The following TAFA1 variants were observed in gnomAD, a reference collection of about 807,000 sequenced individuals.
TAFA1 encodes the protein chemokine-like protein TAFA-1.
A neutral mutation model predicts 18.5 loss-of-function variants in TAFA1; 4 were observed. The observed-to-expected ratio is 0.22, with a 90% CI of 0.11 to 0.49. The LOEUF (loss-of-function observed/expected upper bound fraction) is 0.49. Among genes scored for constraint, TAFA1 ranks in the 20% least tolerant of loss-of-function variants. The probability of loss-of-function intolerance (pLI) is 0.98; values close to 1 mark genes in which losing one functional copy is unlikely to be tolerated. For synonymous variants in TAFA1, 56 were observed against 55.2 expected, an observed-to-expected ratio of 1.01 and a Z score of -0.06; for missense variants, 147 against 169.0, an observed-to-expected ratio of 0.87 and a Z score of 0.72.
chr3:68,089,948 G>A (rs1320569406), intron 2 of TAFA1, among the ~76,000 whole-genome samples: 1 of 152,122 alleles, frequency 6.6e-6, no homozygotes, highest in Non-Finnish European at 1.5e-5. Context: ...GAAATTGGCT[G>A]GCTGACCTCC....
chr3:68,002,360 A>C (rs1459783773), upstream of TAFA1, among the ~76,000 whole-genome samples: 1 of 152,210 alleles, frequency 6.6e-6, no homozygotes, highest in Admixed American at 6.5e-5. Context: ...CTTGAATGTA[A>C]TCCATTAGGT....
chr3:68,486,461 A>G (rs2072342119), intron 3 of TAFA1, among the ~76,000 whole-genome samples: 1 of 152,272 alleles, frequency 6.6e-6, no homozygotes, highest in East Asian at 1.9e-4. Context: ...TGCCTCCAAC[A>G]TGAGAAAAGC....
chr3:68,041,608 T>C (rs947795731), intron 2 of TAFA1, among the ~76,000 whole-genome samples: 4 of 152,216 alleles, frequency 2.6e-5, no homozygotes, highest in Non-Finnish European at 5.9e-5. Flanking sequence ...AAACTCTTTA[T>C]TGAGTGTCTG....
intron 3 of TAFA1, among the ~76,000 whole-genome samples, chr3:68,502,185 C>T (rs531781408): frequency 1.1e-4 from 17 of 152,194 alleles, no homozygotes; most frequent in South Asian, 2.1e-4. Flanking sequence ...ATAATGGTTG[C>T]TTCATAGCAA....
At chr3:68,264,766 A>G (rs547242137) in intron 2 of TAFA1, among the ~76,000 whole-genome samples, 3 of 147,336 alleles carry the variant, frequency 2.0e-5, no homozygotes, top group African/African-American at 8.1e-5. Context: ...AATTATAAAG[A>G]CAGACCAAAC....
chr3:68,160,432 A>C (rs893903004), intron 2 of TAFA1, among the ~76,000 whole-genome samples: 3 of 152,156 alleles, frequency 2.0e-5, no homozygotes, highest in African/African-American at 7.2e-5. Flanking sequence ...TAGTGTGCCA[A>C]CTCTTATAGT....
At chr3:68,498,846 G>T (rs571043459) in intron 3 of TAFA1, among the ~76,000 whole-genome samples, 1 of 149,932 alleles carries the variant, frequency 6.7e-6, no homozygotes, top group Non-Finnish European at 1.5e-5. Flanking sequence ...GGCTGCCAGC[G>T]TGATTGACTA....
chr3:68,089,182 G>C lies in TAFA1; in HGVS notation c.118+82438G>C, dbSNP rs894208906. 2.6e-5 allele frequency among the ~76,000 whole-genome samples: 4 copies of C among 152,066 alleles called. No individual in the cohort carries two copies. In the East Asian group the frequency reaches 7.7e-4, roughly 29 times the overall value. On this transcript the variant is annotated intron_variant, in intron 2 of 4. Coordinates refer to ENST00000478136, the MANE Select transcript of TAFA1 (RefSeq NM_213609.4). ...GCCTGAAACTCAAGAGAAAGTTCAG[G>C]GCTAGCAATTTAAATTTGGGAGTTC...
chr3:68,091,479 C>T (rs1248135555), intron 2 of TAFA1, among the ~76,000 whole-genome samples: 1 of 152,116 alleles, frequency 6.6e-6, no homozygotes, highest in Non-Finnish European at 1.5e-5. Flanking sequence ...CAAGATTCCT[C>T]AGTCTGCCAG....
At chr3:68,496,566 C>T (rs1486962142) in intron 3 of TAFA1, among the ~76,000 whole-genome samples, 23 of 152,178 alleles carry the variant, frequency 1.5e-4, no homozygotes, top group Admixed American at 1.5e-3. Flanking sequence ...TTAGATGTGT[C>T]CATCCAGCCC....
intron 4 of TAFA1, among the ~76,000 whole-genome samples, chr3:68,544,264 CATT>C (rs1218491817): frequency 6.6e-6 from 1 of 152,060 alleles, no homozygotes; most frequent in Non-Finnish European, 1.5e-5. Flanking sequence ...GGAGTGACAT[CATT>C]AATTTATTGC....
At chr3:68,235,752 A>C (rs1198067792) in intron 2 of TAFA1, among the ~76,000 whole-genome samples, 3 of 152,168 alleles carry the variant, frequency 2.0e-5, no homozygotes, top group Non-Finnish European at 2.9e-5. Context: ...ATTGGTAAAA[A>C]GAAACTGTCT....
intron 3 of TAFA1, among the ~76,000 whole-genome samples, chr3:68,510,338 T>C (rs2072826529): frequency 6.6e-6 from 1 of 152,180 alleles, no homozygotes; most frequent in Admixed American, 6.6e-5. Flanking sequence ...GACAGGGCTT[T>C]GGCCATCATT....
At chr3:68,360,959 T>G (rs779782889) in intron 2 of TAFA1, among the ~76,000 whole-genome samples, 1 of 152,052 alleles carries the variant, frequency 6.6e-6, no homozygotes. Flanking sequence ...TTCGGTCTTC[T>G]GTTTTGACGA....
chr3:68,285,420 C>CAT (rs1283397784), intron 2 of TAFA1, among the ~76,000 whole-genome samples: 17 of 151,904 alleles, frequency 1.1e-4, no homozygotes, highest in Non-Finnish European at 2.2e-4. Context: ...ACTATATGTG[C>CAT]ATATATGCCT....
chr3:68,223,300 TGTC>T (rs2066755067), intron 2 of TAFA1, among the ~76,000 whole-genome samples: 2 of 152,334 alleles, frequency 1.3e-5, no homozygotes, highest in Admixed American at 6.5e-5. Context: ...AAGCTGGAGT[TGTC>T]GTTCAAAATC....
chr3:68,287,531 C>G (rs2068031106), intron 2 of TAFA1, among the ~76,000 whole-genome samples: 1 of 152,070 alleles, frequency 6.6e-6, no homozygotes, highest in Non-Finnish European at 1.5e-5. Flanking sequence ...CTCTCTGTCC[C>G]TTAAAGTCCA....
chr3:68,284,823 A>C (rs1329245896), intron 2 of TAFA1, among the ~76,000 whole-genome samples: 1 of 152,158 alleles, frequency 6.6e-6, no homozygotes, highest in Non-Finnish European at 1.5e-5. Flanking sequence ...CTGCAATCCT[A>C]GCTACTGGGG....
At position 68,496,882 on chromosome 3, in the gene TAFA1, C is replaced by T. The variant is rs942109348; in HGVS notation, c.260-41874C>T. ...TACTGCATATAAATAATATAACATACAGTAAGATTCTATCCCCACAACACC... is the reference window on the plus strand; with the variant it reads ...TACTGCATATAAATAATATAACATATAGTAAGATTCTATCCCCACAACACC... On this transcript the variant is annotated intron_variant, in intron 3 of 4. Coordinates refer to ENST00000478136, the MANE Select transcript of TAFA1 (RefSeq NM_213609.4). 3.9e-5 allele frequency among the ~76,000 whole-genome samples: 6 copies of T among 152,222 alleles called. No homozygotes were observed. The South Asian group carries it at 6.2e-4, about 16-fold the overall frequency.
Sources: allele counts gnomAD v4.1 joint callset (sites outside exome capture counted in the v4.1 genomes callset), GRCh38; gene constraint gnomAD v4.1.1; transcripts MANE v1.5; gene names NCBI Gene and HGNC (gene_info 2026-07-23, HGNC 2026-07-21).